GALNT5: variants seen among roughly 807,000 people sequenced by gnomAD.
GALNT5 encodes the protein UDP-GalNAc:polypeptide N-acetylgalactosaminyltransferase 5.
GALNT5 carries 72 observed loss-of-function variants against 85.4 expected under a neutral mutation model. That is an observed-to-expected ratio of 0.84 (90% confidence interval 0.70 to 1.03). The LOEUF (loss-of-function observed/expected upper bound fraction) is 1.03, where lower values mean the gene tolerates loss of function less well. GALNT5 is among the 50% of genes least tolerant of loss of function. GALNT5 has a pLI of 0.00. For synonymous variants in GALNT5, 404 were observed against 397.0 expected (o/e 1.02, Z -0.21); for missense variants, 1,137 against 1,135.5 (o/e 1.00, Z -0.02).
intron 1 of GALNT5, among the ~76,000 whole-genome samples, chr2:157,259,956 C>T (rs1469297543): frequency 6.6e-6 from 1 of 152,224 alleles, no homozygotes; most frequent in Non-Finnish European, 1.5e-5. Flanking sequence ...AAGAAGCACA[C>T]AGAAGGACTC....
chr2:157,275,543 C>T (rs1024529069), intron 1 of GALNT5, among the ~76,000 whole-genome samples: 4 of 152,166 alleles, frequency 2.6e-5, no homozygotes, highest in African/African-American at 7.2e-5. Flanking sequence ...TCCTCCACAT[C>T]CCTTGTAAGT....
chr2:157,289,253 G>C (rs1180474841), intron 3 of GALNT5, among the ~76,000 whole-genome samples: 2 of 152,182 alleles, frequency 1.3e-5, no homozygotes, highest in Admixed American at 1.3e-4. Context: ...AGTTGCAACT[G>C]CTTGCTCAAG....
At chr2:157,276,290 G>A (rs953618104) in intron 1 of GALNT5, among the ~76,000 whole-genome samples, 6 of 151,804 alleles carry the variant, frequency 4.0e-5, no homozygotes, top group African/African-American at 1.5e-4. Context: ...CTCTTTTTTT[G>A]TTGTTGTGTT....
In GALNT5 at chr2:157,313,710, A is replaced by G. The variant is rs947607648; in HGVS notation, c.*2362A>G. On this transcript the variant is annotated 3_prime_UTR_variant, in exon 10 of 10. Transcript: ENST00000259056. ...ATTTTGAATACACTTATCTTTGGGT[A>G]TATCAACTAAAGGAAGTTGGATTTT... 4 of 152,192 alleles carry G rather than the reference A, an allele frequency of 2.6e-5. No homozygotes were observed. The highest frequency in any genetic ancestry group is 9.6e-5 in the African/African-American group (4 of 41,462). The allele number at this position is 152,192 out of a possible 1,614,324, so 9.4% of individuals were successfully genotyped here. A position where few individuals can be genotyped will look rare whatever the true frequency, so the allele number is the denominator to read the frequency against.
intron 8 of GALNT5, among the ~76,000 whole-genome samples, chr2:157,307,142 A>G (rs1683471188): frequency 6.6e-6 from 1 of 152,180 alleles, no homozygotes; most frequent in African/African-American, 2.4e-5. Context: ...AGGCAAAAGT[A>G]TAAATTATGC....
chr2:157,298,829 G>C (rs938133564), intron 5 of GALNT5: 1 of 152,328 alleles, frequency 6.6e-6, no homozygotes, highest in African/African-American at 2.4e-5. Flanking sequence ...GCAAACCCAA[G>C]GTGTCTACTG....
intron 1 of GALNT5, among the ~76,000 whole-genome samples, chr2:157,263,310 C>G (rs1435075815): frequency 6.6e-6 from 1 of 152,184 alleles, no homozygotes; most frequent in Non-Finnish European, 1.5e-5. Context: ...CCACCCTTTA[C>G]AGTTGTAACC....
At position 157,314,962 on chromosome 2, in the gene GALNT5, C is replaced by T. The variant is rs1309346860; in HGVS notation, c.*3614C>T. Among the ~76,000 whole-genome samples, 1 of 151,992 alleles carries T rather than the reference C, an allele frequency of 6.6e-6. No individual in the cohort carries two copies. Among genetic ancestry groups the T allele is most frequent in the Non-Finnish European group, 1.5e-5 (1 of 68,002 alleles). ...GCATGGTGGTGGGCGCCTGTAATCCCAGCTACCTGGGAGGCTGAAGCAGGA... is the reference window on the plus strand; with the variant it reads ...GCATGGTGGTGGGCGCCTGTAATCCTAGCTACCTGGGAGGCTGAAGCAGGA... On this transcript the variant is annotated 3_prime_UTR_variant, in exon 10 of 10. Coordinates refer to ENST00000259056, the MANE Select transcript of GALNT5 (RefSeq NM_014568.3).
At chr2:157,295,856 G>A in intron 4 of GALNT5, 58 bp downstream of exon 4, 1 of 1,328,528 alleles carries the variant, frequency 7.5e-7, no homozygotes, top group Non-Finnish European at 1.1e-6. Context: ...ACAAGCAGCA[G>A]AAAGTGCTGA....
chr2:157,297,837 G>T (rs748467880), intron 5 of GALNT5, among the ~76,000 whole-genome samples: 3 of 152,146 alleles, frequency 2.0e-5, no homozygotes, highest in Non-Finnish European at 4.4e-5. Flanking sequence ...TTGGCTAACT[G>T]CTGACTAAAA....
In GALNT5 at chr2:157,308,692, G is replaced by T; in HGVS notation, c.2646G>T (p.Trp882Cys). Residue 882 changes from tryptophan to cysteine, a missense_variant, in exon 9 of 10, where the codon TGG becomes TGT. By Grantham distance (215) the Trp-to-Cys change is radical (BLOSUM62 -2). Coordinates refer to ENST00000259056, the MANE Select transcript of GALNT5 (RefSeq NM_014568.3). ...PCDNRNKGLKWLHKSTSVFHP... is the reference protein window; with the variant it reads ...PCDNRNKGLKCLHKSTSVFHP... Reference sequence around the variant, plus strand: ...ATAACAGAAACAAAGGGCTAAAATGGCTGCATAAATCAACATCAGTCTTTC... The same window carrying T: ...ATAACAGAAACAAAGGGCTAAAATGTCTGCATAAATCAACATCAGTCTTTC... 6.2e-7 allele frequency: 1 copy of T among 1,613,342 alleles called. No homozygotes were observed. The highest frequency in any genetic ancestry group is 1.7e-5 in the Admixed American group (1 of 59,842).
At chr2:157,264,360 C>T (rs1452228088) in intron 1 of GALNT5, among the ~76,000 whole-genome samples, 1 of 152,106 alleles carries the variant, frequency 6.6e-6, no homozygotes, top group Non-Finnish European at 1.5e-5. Flanking sequence ...AAAAATGACT[C>T]AAAGGAATTT....
At chr2:157,272,390 A>G (rs1037664028) in intron 1 of GALNT5, among the ~76,000 whole-genome samples, 1 of 152,056 alleles carries the variant, frequency 6.6e-6, no homozygotes, top group African/African-American at 2.4e-5. Context: ...TAATTTCAAC[A>G]TTTTAGATTC....
chr2:157,261,158 G>A (rs750968725), intron 1 of GALNT5, among the ~76,000 whole-genome samples: 6 of 152,126 alleles, frequency 3.9e-5, no homozygotes, highest in Non-Finnish European at 8.8e-5. Flanking sequence ...TGAAGTAGCC[G>A]TTAAAGCAGT....
chr2:157,308,205 G>A (rs527246122), intron 8 of GALNT5, among the ~76,000 whole-genome samples: 6 of 152,062 alleles, frequency 3.9e-5, no homozygotes, highest in Admixed American at 1.3e-4. Flanking sequence ...CAGGCTTGTC[G>A]GGATTCAGAA....
In GALNT5 at chr2:157,300,882, T is replaced by C. The variant is rs762985958; in HGVS notation, c.2322T>C (p.Val774=). Reference sequence around the variant, plus strand: ...ACCTCATCGACCAAGGGCTAGATGTTGGCAACCTCACCCAGCAAAGGGAGC... The same window carrying C: ...ACCTCATCGACCAAGGGCTAGATGTCGGCAACCTCACCCAGCAAAGGGAGC... ...GDHLIDQGLD[V]GNLTQQRELR... is the part of the protein sequence containing the mutation. Residue 774 remains valine, a synonymous_variant, in exon 7 of 10, where the codon GTT becomes GTC. Transcript: ENST00000259056. The C allele has an allele frequency of 2.5e-6, 4 of 1,613,986 alleles. No individual in the cohort carries two copies. The East Asian group carries it at 8.9e-5, about 36-fold the overall frequency.
In GALNT5 at chr2:157,258,851, A is replaced by C. The variant is rs371803810; in HGVS notation, c.769A>C (p.Lys257Gln). The C allele has an allele frequency of 3.2e-6, 5 of 1,577,640 alleles. No individual in the cohort carries two copies. The Admixed American group carries it at 5.6e-5, about 18-fold the overall frequency. The change falls in exon 1 of 10, where the codon AAA becomes CAA. Residue 257 changes from lysine to glutamine, a missense_variant. Coordinates refer to ENST00000259056, the MANE Select transcript of GALNT5 (RefSeq NM_014568.3). ...PKSGEAMALN[K>Q]TKTQSKEVNA... ...GTCTGGGGAAGCCATGGCCTTAAAC[A>C]AAACTAAGACTCAGAGCAAAGAAGT... is the stretch of plus-strand genomic sequence containing the variant.
Position 157,318,430 on chromosome 2 carries a change from T to C in GALNT5, c.*7082T>C, listed in dbSNP as rs1683770550. Among the ~76,000 whole-genome samples, 1 of 152,170 alleles carries C rather than the reference T, an allele frequency of 6.6e-6. No homozygotes were observed. The highest frequency in any genetic ancestry group is 6.6e-5 in the Admixed American group (1 of 15,256). On this transcript the variant is annotated 3_prime_UTR_variant, in exon 10 of 10. Transcript: ENST00000259056. ...ATATCTACCTACCAGAAATCCTTTT[T>C]ACAATTTTATATACAATCATTTTAA...
intron 2 of GALNT5, among the ~76,000 whole-genome samples, chr2:157,285,437 G>C (rs13431631): frequency 0.23 from 34,653 of 152,010 alleles, 4,156 homozygotes; most frequent in East Asian, 0.45. Flanking sequence ...TTCCAACCTA[G>C]GATAGCTGTC....
Sources: gnomAD v4.1 joint callset for allele counts (sites outside exome capture counted in the v4.1 genomes callset) on GRCh38, gnomAD v4.1.1 for gene constraint, MANE v1.5 for transcripts, NCBI Gene and HGNC (gene_info 2026-07-23, HGNC 2026-07-21) for gene names.